Variants in KIF6 observed in about 807,000 individuals in gnomAD.
The protein encoded by KIF6 is kinesin-like protein KIF6.
Under a neutral mutation model 112.7 loss-of-function variants are expected in KIF6, and 106 were observed. That is an observed-to-expected ratio of 0.94 (90% CI 0.80 to 1.11). The LOEUF (loss-of-function observed/expected upper bound fraction) is 1.11, where lower values mean the gene tolerates loss of function less well. Among genes scored for constraint, KIF6 ranks in the 50% least tolerant of loss-of-function variants. The pLI is 0.00. For missense variants in KIF6, 929 were observed against 964.0 expected (o/e 0.96, Z 0.48); for synonymous variants, 339 against 339.9 (o/e 1.00, Z 0.03).
chr6:39,599,840 C>G (rs889672940), intron 6 of KIF6, among the ~76,000 whole-genome samples: 1 of 152,112 alleles, frequency 6.6e-6, no homozygotes, highest in South Asian at 2.1e-4. Flanking sequence ...GAGCCATAAA[C>G]GAATACTGGT....
At chr6:39,546,044 T>G (rs1224971879) in intron 10 of KIF6, among the ~76,000 whole-genome samples, 1 of 152,220 alleles carries the variant, frequency 6.6e-6, no homozygotes, top group African/African-American at 2.4e-5. Flanking sequence ...TCACTAAAAA[T>G]GCATGTGACT....
chr6:39,681,412 A>G (rs1398536937), intron 3 of KIF6, among the ~76,000 whole-genome samples: 1 of 152,176 alleles, frequency 6.6e-6, no homozygotes, highest in Non-Finnish European at 1.5e-5. Context: ...TAAAAACAGC[A>G]CCTGAGGATG....
At chr6:39,657,809 A>G (rs1490874338) in intron 3 of KIF6, among the ~76,000 whole-genome samples, 2 of 152,246 alleles carry the variant, frequency 1.3e-5, no homozygotes, top group African/African-American at 2.4e-5. Context: ...CTGCACTCAC[A>G]TAAGACTTAA....
chr6:39,632,182 GA>G (rs5875674), intron 5 of KIF6, among the ~76,000 whole-genome samples: 81,185 of 150,300 alleles, frequency 0.54, 24,871 homozygotes, highest in African/African-American at 0.84. Context: ...TAATGTAAAA[GA>G]AAAAAAAAAT....
chr6:39,337,810 C>A (rs1763114493), intron 22 of KIF6, among the ~76,000 whole-genome samples: 1 of 152,208 alleles, frequency 6.6e-6, no homozygotes, highest in Non-Finnish European at 1.5e-5. Flanking sequence ...CAGTCCCCAA[C>A]CCACGGTGTG....
chr6:39,637,102 T>C (rs939937689), intron 4 of KIF6, among the ~76,000 whole-genome samples: 1 of 152,058 alleles, frequency 6.6e-6, no homozygotes, highest in Non-Finnish European at 1.5e-5. Context: ...GAATTCAGTA[T>C]ATGAATATAA....
chr6:39,585,933 A>G (rs1267616567), intron 8 of KIF6, among the ~76,000 whole-genome samples: 1 of 152,182 alleles, frequency 6.6e-6, no homozygotes, highest in Non-Finnish European at 1.5e-5. Flanking sequence ...GGGCAAAATC[A>G]AGCAAGAGAA....
At chr6:39,530,475 C>T (rs909240543) in intron 13 of KIF6, among the ~76,000 whole-genome samples, 2 of 152,158 alleles carry the variant, frequency 1.3e-5, no homozygotes, top group African/African-American at 2.4e-5. Flanking sequence ...AACTACGGAG[C>T]GGAACAATCT....
At chr6:39,398,117 A>G (rs547624051) in intron 15 of KIF6, among the ~76,000 whole-genome samples, 18 of 152,284 alleles carry the variant, frequency 1.2e-4, no homozygotes. Flanking sequence ...ATTGGTTTTA[A>G]TGTTTTGTTT....
chr6:39,491,717 T>C (rs1775493015), intron 13 of KIF6, among the ~76,000 whole-genome samples: 1 of 152,118 alleles, frequency 6.6e-6, no homozygotes, highest in South Asian at 2.1e-4. Flanking sequence ...AGGGGCCTAT[T>C]GGTGAGGCTT....
intron 13 of KIF6, among the ~76,000 whole-genome samples, chr6:39,445,784 A>G (rs1422674722): frequency 6.6e-6 from 1 of 152,200 alleles, no homozygotes. Flanking sequence ...TGCACAGGAA[A>G]TAGAATGGCA....
At chr6:39,372,608 T>C (rs1056960375) in intron 16 of KIF6, among the ~76,000 whole-genome samples, 1 of 152,186 alleles carries the variant, frequency 6.6e-6, no homozygotes, top group South Asian at 2.1e-4. Flanking sequence ...ACACAAAAAG[T>C]TCAGAGAATG....
intron 13 of KIF6, among the ~76,000 whole-genome samples, chr6:39,518,171 G>A (rs1211023600): frequency 6.6e-6 from 1 of 152,182 alleles, no homozygotes; most frequent in Non-Finnish European, 1.5e-5. Flanking sequence ...ATATAGTACA[G>A]ACTAAGAACA....
intron 10 of KIF6, among the ~76,000 whole-genome samples, chr6:39,577,490 G>A (rs542486853): frequency 6.6e-6 from 1 of 152,364 alleles, no homozygotes; most frequent in East Asian, 1.9e-4. Flanking sequence ...GAGAGAATGA[G>A]AGCCACATTG....
chr6:39,619,115 C>G (rs1043081128), intron 5 of KIF6, among the ~76,000 whole-genome samples: 4 of 152,172 alleles, frequency 2.6e-5, no homozygotes, highest in African/African-American at 9.7e-5. Flanking sequence ...ACACCAAGTT[C>G]TAACTTTTAT....
intron 4 of KIF6, among the ~76,000 whole-genome samples, chr6:39,638,320 T>G (rs368844050): frequency 1.9e-4 from 29 of 152,202 alleles, no homozygotes; most frequent in African/African-American, 6.7e-4. Flanking sequence ...GCAGTACACT[T>G]TCTCAGAACC....
chr6:39,420,489 C>T (rs1328390), intron 14 of KIF6, among the ~76,000 whole-genome samples: 109,217 of 152,112 alleles, frequency 0.72, 41,856 homozygotes, highest in South Asian at 0.9. Flanking sequence ...CACCGCCACT[C>T]CTATTCACTG....
At chr6:39,441,777 C>A (rs1056378927) in intron 13 of KIF6, among the ~76,000 whole-genome samples, 1 of 152,226 alleles carries the variant, frequency 6.6e-6, no homozygotes, top group African/African-American at 2.4e-5. Flanking sequence ...TGCCCCAAGG[C>A]TTTGAGGTTA....
chr6:39,697,355 G>A (rs992449167), intron 3 of KIF6, among the ~76,000 whole-genome samples: 1 of 152,090 alleles, frequency 6.6e-6, no homozygotes, highest in African/African-American at 2.4e-5. Context: ...CTTAAGGGTC[G>A]TGGTTCATAA....
Sources: gnomAD v4.1 joint callset for allele counts (sites outside exome capture counted in the v4.1 genomes callset) on GRCh38, gnomAD v4.1.1 for gene constraint, MANE v1.5 for transcripts, NCBI Gene and HGNC (gene_info 2026-07-23, HGNC 2026-07-21) for gene names.